The following ARHGEF9 variants were observed in gnomAD, a reference collection of about 807,000 sequenced individuals.
ARHGEF9 encodes the protein Cdc42 guanine nucleotide exchange factor 9, also known as rho guanine nucleotide exchange factor 9.
A neutral mutation model predicts 41.3 loss-of-function variants in ARHGEF9; 2 were observed. The ratio of observed to expected loss-of-function variants is 0.05; its 90% CI spans 0.02 to 0.15. ARHGEF9 has a LOEUF of 0.15. Among genes scored for constraint, ARHGEF9 ranks in the 10% least tolerant of loss-of-function variants. The pLI is 1.00. For synonymous variants in ARHGEF9, 160 were observed against 154.4 expected (o/e 1.04, Z -0.27); for missense variants, 225 against 424.7 (o/e 0.53, Z 4.13).
At chrX:63,711,920 A>G in intron 2 of ARHGEF9, among the ~76,000 whole-genome samples, 1 of 112,640 alleles carries the variant, frequency 8.9e-6, no homozygotes, top group Non-Finnish European at 1.9e-5. Flanking sequence ...AATATATGTA[A>G]CTTAACAATA....
chrX:63,730,358 T>A (rs1236382673), intron 1 of ARHGEF9, among the ~76,000 whole-genome samples: 1 of 112,161 alleles, frequency 8.9e-6, no homozygotes, highest in Non-Finnish European at 1.9e-5. Context: ...AACCCACAGT[T>A]ACCCAGTTAG....
At chrX:63,713,701 T>TACACAC (rs59012226) in intron 2 of ARHGEF9, among the ~76,000 whole-genome samples, 1,179 of 94,261 alleles carry the variant, frequency 0.013, 21 homozygotes, top group African/African-American at 0.042. Flanking sequence ...CCACTTCACA[T>TACACAC]ACACACACAC....
chrX:63,686,605 ACTGGGATATAATG>A (rs1438526502), intron 4 of ARHGEF9, among the ~76,000 whole-genome samples: 1 of 111,985 alleles, frequency 8.9e-6, no homozygotes, highest in Non-Finnish European at 1.9e-5. Context: ...TAAGCCACAG[ACTGGGATATAATG>A]TCTGCAAATA....
intron 1 of ARHGEF9, among the ~76,000 whole-genome samples, chrX:63,771,394 G>T (rs782728315): frequency 8.9e-6 from 1 of 111,929 alleles, no homozygotes; most frequent in Non-Finnish European, 1.9e-5. Context: ...GGAAAGGCAT[G>T]ATGGTCAATT....
intron 7 of ARHGEF9, among the ~76,000 whole-genome samples, chrX:63,661,758 T>TTCTC (rs199903174): frequency 5.7e-4 from 61 of 106,171 alleles, no homozygotes; most frequent in African/African-American, 1.3e-3. Flanking sequence ...TGCTCTCCTT[T>TTCTC]TCTCTCTCTC....
intron 1 of ARHGEF9, among the ~76,000 whole-genome samples, chrX:63,784,374 A>G (rs2056427471): frequency 8.9e-6 from 1 of 112,616 alleles, no homozygotes; most frequent in Non-Finnish European, 1.9e-5. Context: ...ATGGCATAAA[A>G]TGAACTGTTG....
At chrX:63,725,927 A>C (rs2053935023) in intron 1 of ARHGEF9, among the ~76,000 whole-genome samples, 2 of 112,888 alleles carry the variant, frequency 1.8e-5, no homozygotes, top group African/African-American at 3.2e-5. Context: ...TTAAGACAAT[A>C]GAAATAGTCT....
chrX:63,768,444 G>T (rs2056149286), intron 1 of ARHGEF9, among the ~76,000 whole-genome samples: 1 of 112,267 alleles, frequency 8.9e-6, no homozygotes, highest in African/African-American at 3.2e-5. Context: ...ATAAACATAT[G>T]TGTGTGGGTG....
At chrX:63,751,027 G>C (rs1258149959) in intron 1 of ARHGEF9, among the ~76,000 whole-genome samples, 2 of 110,904 alleles carry the variant, frequency 1.8e-5, no homozygotes, top group East Asian at 5.7e-4. Context: ...GTGATACAGG[G>C]GTTGCTAGGA....
At chrX:63,664,635 G>A (rs1187237505) in intron 7 of ARHGEF9, among the ~76,000 whole-genome samples, 8 of 112,171 alleles carry the variant, frequency 7.1e-5, no homozygotes, top group Non-Finnish European at 1.3e-4. Context: ...AGAAGCATTA[G>A]TGTTTGGCTG....
intron 8 of ARHGEF9, among the ~76,000 whole-genome samples, chrX:63,651,869 A>G (rs1429784009): frequency 9.1e-6 from 1 of 110,163 alleles, no homozygotes; most frequent in Admixed American, 9.8e-5. Flanking sequence ...GTATGAGGCA[A>G]TTCACAAAAG....
At chrX:63,722,488 C>T (rs782129738) in intron 2 of ARHGEF9, among the ~76,000 whole-genome samples, 65 of 105,343 alleles carry the variant, frequency 6.2e-4, no homozygotes, top group African/African-American at 2.1e-3. Flanking sequence ...TAGACTCTGG[C>T]TGCTGGGGCT....
intron 6 of ARHGEF9, among the ~76,000 whole-genome samples, chrX:63,668,061 G>T (rs1442474378): frequency 8.9e-6 from 1 of 111,778 alleles, no homozygotes. Flanking sequence ...AAATGTGGAT[G>T]ATACGACCAG....
intron 8 of ARHGEF9, among the ~76,000 whole-genome samples, chrX:63,647,043 G>C (rs1472113463): frequency 1.8e-5 from 2 of 111,520 alleles, no homozygotes; most frequent in African/African-American, 6.5e-5. Flanking sequence ...TCTATTATTG[G>C]TGTATAAGAA....
chrX:63,716,705 G>A (rs1483432406), intron 2 of ARHGEF9, among the ~76,000 whole-genome samples: 1 of 111,774 alleles, frequency 8.9e-6, no homozygotes, highest in Non-Finnish European at 1.9e-5. Context: ...CCAGTCACTT[G>A]TCATGACAAC....
chrX:63,648,724 C>A (rs1449066033), intron 8 of ARHGEF9, among the ~76,000 whole-genome samples: 1 of 110,998 alleles, frequency 9.0e-6, no homozygotes, highest in African/African-American at 3.3e-5. Context: ...TGCAGAGACA[C>A]ACATAGGCTC....
chrX:63,711,956 C>CA (rs1248081678), intron 2 of ARHGEF9, among the ~76,000 whole-genome samples: 1 of 111,964 alleles, frequency 8.9e-6, no homozygotes, highest in Non-Finnish European at 1.9e-5. Flanking sequence ...TAAAAATGGG[C>CA]AAAATATCTG....
In ARHGEF9 at chrX:63,696,601, C is replaced by T. The variant is rs147539398; in HGVS notation, c.582+524G>A. Among the ~76,000 whole-genome samples the T allele has an allele frequency of 7.0e-4, 79 of 112,260 alleles. 1 individual carries two copies. In the East Asian group the frequency reaches 0.021, roughly 30 times the overall value. ...TTGCAGGGACCACTTTCTTACTAAC[C>T]ATGGTCCTTGTTATTTCTCAGATTC... On this transcript the variant is annotated intron_variant, in intron 4 of 9. Transcript: ENST00000671741.
At chrX:63,743,803 A>AAAAG (rs1556429831) in intron 1 of ARHGEF9, among the ~76,000 whole-genome samples, 7 of 112,208 alleles carry the variant, frequency 6.2e-5, no homozygotes, top group South Asian at 3.7e-4. Flanking sequence ...TTCCTCTTTT[A>AAAAG]ACTTTGCAGG....
Sources: gnomAD v4.1 joint callset for allele counts (sites outside exome capture counted in the v4.1 genomes callset) on GRCh38, gnomAD v4.1.1 for gene constraint, MANE v1.5 for transcripts, NCBI Gene and HGNC (gene_info 2026-07-23, HGNC 2026-07-21) for gene names.